The following ARHGAP23 variants were observed in gnomAD, a reference collection of about 807,000 sequenced individuals.
ARHGAP23 encodes rho GTPase-activating protein 23.
In ARHGAP23, 34 loss-of-function variants were observed where a neutral mutation model predicts 136.3. The observed-to-expected ratio is 0.25, with a 90% CI of 0.19 to 0.33. The LOEUF is 0.33. Among genes scored for constraint, ARHGAP23 ranks in the 10% least tolerant of loss-of-function variants. The pLI is 1.00. For missense variants in ARHGAP23, 1,808 were observed against 2,139.0 expected (o/e 0.85, Z 3.05); for synonymous variants, 832 against 920.5 (o/e 0.90, Z 1.74).
chr17:38,458,942 G>A, intron 2 of ARHGAP23, among the ~76,000 whole-genome samples: 1 of 152,120 alleles, frequency 6.6e-6, no homozygotes, highest in East Asian at 1.9e-4. Context: ...TGTAAACGTT[G>A]TGTTCTCTGA....
In ARHGAP23 at chr17:38,458,033, G is replaced by C. The variant is rs1359551106; in HGVS notation, c.64-69G>C. On this transcript the variant is annotated intron_variant, in intron 1 of 23. Transcript: ENST00000622683. The stretch of plus-strand genomic sequence containing the variant: ...TGCCCCTCCGGTCCTGTGGGCTGCA[G>C]GAGGTGGTGCAAACAGCCAGAAGTG... 5 of 1,517,152 alleles carry C rather than the reference G, an allele frequency of 3.3e-6. No homozygotes were observed. The African/African-American group carries it at 6.9e-5, about 21-fold the overall frequency. The allele number at this position is 1,517,152 out of a possible 1,614,324, so 94.0% of individuals were successfully genotyped here.
intron 2 of ARHGAP23, among the ~76,000 whole-genome samples, chr17:38,459,113 A>G (rs147832587): frequency 1.4e-4 from 21 of 152,276 alleles, no homozygotes; most frequent in African/African-American, 4.6e-4. Flanking sequence ...CTTTTCCAGC[A>G]GGGAGGAGAC....
At chr17:38,436,915 A>G (rs551929202) in intron 1 of ARHGAP23, among the ~76,000 whole-genome samples, 1 of 152,346 alleles carries the variant, frequency 6.6e-6, no homozygotes, top group East Asian at 1.9e-4. Flanking sequence ...TAGAATTGCC[A>G]CAGGGATTGG....
intron 1 of ARHGAP23, among the ~76,000 whole-genome samples, chr17:38,423,226 T>C (rs2144458991): frequency 6.6e-6 from 1 of 151,728 alleles, no homozygotes; most frequent in South Asian, 2.1e-4. Flanking sequence ...GATGTTCTGC[T>C]CTGTCACCCA....
intron 17 of ARHGAP23, among the ~76,000 whole-genome samples, chr17:38,488,362 G>C (rs151068256): frequency 6.6e-6 from 1 of 151,918 alleles, no homozygotes; most frequent in Non-Finnish European, 1.5e-5. Flanking sequence ...GTAATTGCTC[G>C]ATCAGACCAT....
At chr17:38,501,182 C>A (rs2040510061) in intron 23 of ARHGAP23, 2 of 152,118 alleles carry the variant, frequency 1.3e-5, no homozygotes. Flanking sequence ...GAAAAAAAAT[C>A]AGTGAAATTG....
intron 1 of ARHGAP23, among the ~76,000 whole-genome samples, chr17:38,430,914 T>G (rs544815939): frequency 6.6e-6 from 1 of 152,326 alleles, no homozygotes; most frequent in African/African-American, 2.4e-5. Context: ...CAGCAAAAAC[T>G]CCTGGCCAGT....
intron 19 of ARHGAP23, 91 bp from the exon 20 acceptor site, chr17:38,491,316 G>A (rs1597833512): frequency 6.6e-7 from 1 of 1,509,636 alleles, no homozygotes; most frequent in Non-Finnish European, 9.0e-7. Flanking sequence ...GGACTGGTGA[G>A]GATGTAGTTG....
intron 11 of ARHGAP23, among the ~76,000 whole-genome samples, chr17:38,472,998 G>A (rs1205837237): frequency 4.6e-5 from 7 of 152,026 alleles, no homozygotes; most frequent in South Asian, 2.1e-4. Context: ...GTGCAGTGGC[G>A]CGATCTCGGC....
At chr17:38,495,564 G>A (rs2040373897) in intron 20 of ARHGAP23, among the ~76,000 whole-genome samples, 1 of 152,156 alleles carries the variant, frequency 6.6e-6, no homozygotes, top group South Asian at 2.1e-4. Flanking sequence ...TTCCTTTGCT[G>A]TCTTCTCTTC....
intron 1 of ARHGAP23, among the ~76,000 whole-genome samples, chr17:38,454,813 G>A (rs1461797039): frequency 1.3e-5 from 2 of 152,224 alleles, no homozygotes; most frequent in African/African-American, 4.8e-5. Context: ...CTGGGTTCTA[G>A]TTTCTGGTGC....
intron 1 of ARHGAP23, among the ~76,000 whole-genome samples, chr17:38,431,579 G>A (rs1327578523): frequency 2.0e-5 from 3 of 152,208 alleles, no homozygotes; most frequent in African/African-American, 7.2e-5. Context: ...CAGCAGGGCA[G>A]TACCAATCTG....
intron 3 of ARHGAP23, 60 bp downstream of exon 3, chr17:38,460,992 TC>T: frequency 1.3e-6 from 2 of 1,525,716 alleles, no homozygotes; most frequent in Non-Finnish European, 1.8e-6. Flanking sequence ...CTCCTGTCTC[TC>T]CCTGTCCTCC....
At chr17:38,433,236 C>T (rs764494374) in intron 1 of ARHGAP23, among the ~76,000 whole-genome samples, 1 of 152,180 alleles carries the variant, frequency 6.6e-6, no homozygotes, top group Non-Finnish European at 1.5e-5. Flanking sequence ...GCGGGGATTA[C>T]AGGTGTGAGC....
Position 38,490,133 on chromosome 17 carries a change from C to T in ARHGAP23, c.3018C>T (p.Arg1006=), listed in dbSNP as rs116798708. ...ACAACGACTTCATCGAGGCCAACCG[C>T]ATTGAGGACGCGCGGGAGCGAATGA... is the stretch of plus-strand genomic sequence containing the variant. The part of the protein sequence containing the change: ...DKYNDFIEAN[R]IEDARERMRT... The change falls in exon 18 of 24, where the codon CGC becomes CGT. Residue 1006 remains arginine (R), a synonymous_variant. Coordinates refer to ENST00000622683, the MANE Select transcript of ARHGAP23 (RefSeq NM_001199417.2). 1,747 of 1,551,800 alleles carry T rather than the reference C, an allele frequency of 1.1e-3. 25 individuals carry two copies. The African/African-American group carries it at 0.022, about 19-fold the overall frequency.
chr17:38,465,800 C>T (rs1413344411), intron 6 of ARHGAP23, among the ~76,000 whole-genome samples: 1 of 151,282 alleles, frequency 6.6e-6, no homozygotes, highest in Non-Finnish European at 1.5e-5. Flanking sequence ...TTTCCGGCTC[C>T]ACCCGAGGAG....
intron 1 of ARHGAP23, among the ~76,000 whole-genome samples, chr17:38,443,930 G>T (rs767850053): frequency 1.3e-5 from 2 of 152,122 alleles, no homozygotes; most frequent in African/African-American, 2.4e-5. Context: ...GTCACACCTA[G>T]AGCTTTCCCC....
At chr17:38,508,695 C>G (rs1010054486) in intron 23 of ARHGAP23, among the ~76,000 whole-genome samples, 5 of 152,050 alleles carry the variant, frequency 3.3e-5, no homozygotes, top group African/African-American at 1.2e-4. Context: ...CTTTGGGAGC[C>G]ATTTCAAAAG....
intron 2 of ARHGAP23, 26 bp from the exon 3 acceptor site, chr17:38,460,879 C>T: frequency 6.5e-7 from 1 of 1,536,088 alleles, no homozygotes; most frequent in South Asian, 1.2e-5. Context: ...GACTGACGCC[C>T]ACACCCACTC....
Sources: allele counts gnomAD v4.1 joint callset (sites outside exome capture counted in the v4.1 genomes callset), GRCh38; gene constraint gnomAD v4.1.1; transcripts MANE v1.5; gene names NCBI Gene and HGNC (gene_info 2026-07-23, HGNC 2026-07-21).